Variants in S100A8 observed in about 807,000 individuals in gnomAD.
S100A8 encodes the protein protein S100-A8.
A neutral mutation model predicts 4.2 loss-of-function variants in S100A8; 1 was observed. The observed-to-expected ratio is 0.24, with a 90% CI of 0.08 to 1.12. The LOEUF is 1.12. Among genes scored for constraint, S100A8 ranks in the 50% most tolerant of loss-of-function variants. The probability of loss-of-function intolerance (pLI) is 0.53; values close to 1 mark genes in which losing one functional copy is unlikely to be tolerated. For synonymous variants in S100A8, 41 were observed against 44.7 expected (o/e 0.92, Z 0.33); for missense variants, 96 against 111.8 (o/e 0.86, Z 0.64).
At chr1:153,416,131 G>C in the S100A8 span, among the ~76,000 whole-genome samples, 2 of 152,178 alleles carry the variant, frequency 1.3e-5, no homozygotes, top group African/African-American at 2.4e-5. Flanking sequence ...TCATAGAACA[G>C]GCTGTCACAA....
the S100A8 span, among the ~76,000 whole-genome samples, chr1:153,411,620 G>A: frequency 6.6e-6 from 1 of 151,986 alleles, no homozygotes; most frequent in African/African-American, 2.4e-5. Flanking sequence ...CACAGAATTG[G>A]GAAAAAACTA....
rs878891089 is a variant in S100A8, at chr1:153,390,388, T to C, written c.141+7A>G. 6.2e-7 allele frequency: 1 copy of C among 1,613,588 alleles called. No homozygotes were observed. Among genetic ancestry groups the C allele is most frequent in the Non-Finnish European group, 8.5e-7 (1 of 1,179,722 alleles). ...GAGAGCCCCCGCCACACCCAGCCCCTCCTCACCCTGATATACTGAGGACAC... is the reference window on the plus strand; with the variant it reads ...GAGAGCCCCCGCCACACCCAGCCCCCCCTCACCCTGATATACTGAGGACAC... On this transcript the variant is annotated splice_region_variant and intron_variant, in intron 2 of 2. Transcript: ENST00000368733.
chr1:153,390,054 T>C lies in S100A8; in HGVS notation c.*49A>G. On this transcript the variant is annotated 3_prime_UTR_variant, in exon 3 of 3. Transcript: ENST00000368733. ...GCATGAGGTATTGATGACTTTATTA[T>C]TCTGCAGGTACATGTCCAGGGGCCC... 6.5e-7 allele frequency: 1 copy of C among 1,533,750 alleles called. No homozygotes were observed. Among genetic ancestry groups the C allele is most frequent in the African/African-American group, 1.4e-5 (1 of 71,994 alleles).
At chr1:153,393,189 A>G (rs1479117699), upstream of S100A8, among the ~76,000 whole-genome samples, 1 of 152,032 alleles carries the variant, frequency 6.6e-6, no homozygotes, top group Non-Finnish European at 1.5e-5. Context: ...CCTCCTCACC[A>G]TTCCTGATCC....
the S100A8 span, among the ~76,000 whole-genome samples, chr1:153,401,389 A>G: frequency 3.9e-5 from 6 of 152,326 alleles, no homozygotes; most frequent in Admixed American, 2.0e-4. Flanking sequence ...CCAGAAACTC[A>G]TAGTCTGTAG....
At chr1:153,415,202 G>T in the S100A8 span, among the ~76,000 whole-genome samples, 3 of 151,828 alleles carry the variant, frequency 2.0e-5, no homozygotes, top group African/African-American at 7.3e-5. Flanking sequence ...GTGTGTGTGT[G>T]TATCTTTTGC....
chr1:153,390,912 C>A, intron 1 of S100A8, 129 bp downstream of exon 1: 1 of 645,364 alleles, frequency 1.5e-6, no homozygotes, highest in Non-Finnish European at 2.0e-6. Flanking sequence ...CACTCCCCAC[C>A]TCCAGGAGTA....
At chr1:153,408,439 A>G in the S100A8 span, among the ~76,000 whole-genome samples, 188 of 152,320 alleles carry the variant, frequency 1.2e-3, 1 homozygote, top group African/African-American at 4.5e-3. Flanking sequence ...AAAGAGTAAA[A>G]AGAAATGGAC....
chr1:153,414,889 C>T, the S100A8 span, among the ~76,000 whole-genome samples: 1 of 152,184 alleles, frequency 6.6e-6, no homozygotes, highest in South Asian at 2.1e-4. Flanking sequence ...GCATTGTACC[C>T]ACTAAGAAAT....
chr1:153,390,145 C>A lies in S100A8; in HGVS notation c.240G>T (p.Val80=), dbSNP rs1393990028. 1 of 1,614,022 alleles carries A rather than the reference C, an allele frequency of 6.2e-7. No homozygotes were observed. Among genetic ancestry groups the A allele is most frequent in the East Asian group, 2.2e-5 (1 of 44,868 alleles). Residue 80 remains valine, a synonymous_variant, in exon 3 of 3, where the codon GTG becomes GTT. Coordinates refer to ENST00000368733, the MANE Select transcript of S100A8 (RefSeq NM_002964.5). ...CTTCATGGCTTTTTTTGTGGGCTGCCACGCCCATCTTTATCACCAGAATGA... is the reference window on the plus strand; with the variant it reads ...CTTCATGGCTTTTTTTGTGGGCTGCAACGCCCATCTTTATCACCAGAATGA... The part of the protein sequence containing the change: ...EFLILVIKMG[V]AAHKKSHEES...
chr1:153,393,126 T>C (rs1167114783), upstream of S100A8, among the ~76,000 whole-genome samples: 2 of 152,296 alleles, frequency 1.3e-5, no homozygotes, highest in Non-Finnish European at 1.5e-5. Flanking sequence ...TGATGTGATG[T>C]GACAGCATCC....
chr1:153,390,843 C>T (rs550020155), intron 1 of S100A8, 198 bp downstream of exon 1: 1 of 480,456 alleles, frequency 2.1e-6, no homozygotes, highest in East Asian at 5.0e-5. Flanking sequence ...GCCTAGGAGA[C>T]AATGTGCCCT....
the S100A8 span, chr1:153,416,558 G>C: frequency 4.1e-6 from 2 of 485,858 alleles, no homozygotes; most frequent in Non-Finnish European, 8.2e-6. Flanking sequence ...ACACTTCCCA[G>C]TTCTGGTAAG....
At chr1:153,419,053 C>T in the S100A8 span, 4 of 1,382,382 alleles carry the variant, frequency 2.9e-6, no homozygotes, top group African/African-American at 4.3e-5. Flanking sequence ...GATCTAGGTA[C>T]TTGTCTGTAT....
chr1:153,391,910 C>A (rs146648995), upstream of S100A8, among the ~76,000 whole-genome samples: 4 of 152,146 alleles, frequency 2.6e-5, no homozygotes, highest in Admixed American at 2.6e-4. Flanking sequence ...GGGAAGAGTT[C>A]TTTGGAGAAG....
rs113251289 is a variant in S100A8 at position 153,390,394 on chromosome 1, C to A, written c.141+1G>T. On this transcript the variant is annotated splice_donor_variant, in intron 2 of 2. Transcript: ENST00000368733. LOFTEE classifies it high-confidence loss of function. The stretch of plus-strand genomic sequence containing the variant: ...CCCCGCCACACCCAGCCCCTCCTCA[C>A]CCTGATATACTGAGGACACTCGGTC... 1 of 1,614,102 alleles carries A rather than the reference C, an allele frequency of 6.2e-7. No individual in the cohort carries two copies. Among genetic ancestry groups the A allele is most frequent in the Non-Finnish European group, 8.5e-7 (1 of 1,179,972 alleles).
At chr1:153,418,806 G>T in the S100A8 span, among the ~76,000 whole-genome samples, 1 of 152,148 alleles carries the variant, frequency 6.6e-6, no homozygotes, top group Admixed American at 6.5e-5. Flanking sequence ...TGAGGCCCTG[G>T]GGTAGAACTA....
the S100A8 span, among the ~76,000 whole-genome samples, chr1:153,415,885 C>A: frequency 8.5e-5 from 13 of 152,346 alleles, no homozygotes; most frequent in African/African-American, 3.1e-4. Flanking sequence ...TGATGCAACC[C>A]AAGACCTATA....
At chr1:153,406,725 C>T in the S100A8 span, among the ~76,000 whole-genome samples, 2 of 152,094 alleles carry the variant, frequency 1.3e-5, no homozygotes, top group East Asian at 3.9e-4. Context: ...AAGATATCAA[C>T]CAGCCAAATT....
Sources: allele counts gnomAD v4.1 joint callset (sites outside exome capture counted in the v4.1 genomes callset), GRCh38; gene constraint gnomAD v4.1.1; transcripts MANE v1.5; gene names NCBI Gene and HGNC (gene_info 2026-07-23, HGNC 2026-07-21).